The following NRXN3 variants were observed in gnomAD, a reference collection of about 807,000 sequenced individuals.
NRXN3 encodes the protein neurexin III.
A neutral mutation model predicts 137.6 loss-of-function variants in NRXN3; 32 were observed. The observed-to-expected ratio is 0.23, with a 90% CI of 0.18 to 0.31. The LOEUF (loss-of-function observed/expected upper bound fraction) is 0.31. NRXN3 is among the 10% of genes least tolerant of loss of function. The pLI is 1.00. For synonymous variants in NRXN3, 798 were observed against 784.5 expected (o/e 1.02, Z -0.29); for missense variants, 1,574 against 2,062.5 (o/e 0.76, Z 4.59).
chr14:78,442,282 G>GA (rs34451142), intron 4 of NRXN3, among the ~76,000 whole-genome samples: 95,512 of 142,778 alleles, frequency 0.67, 31,954 homozygotes, highest in East Asian at 0.77. Flanking sequence ...AGAAAAAAAG[G>GA]AAAAAAAAAA....
chr14:79,181,618 A>G (rs4522355), intron 15 of NRXN3, among the ~76,000 whole-genome samples: 148,946 of 150,446 alleles, frequency 0.99, 73,748 homozygotes, highest in East Asian at 1. Flanking sequence ...GAGGCGGAGG[A>G]TGCAATCAGC....
chr14:78,818,645 A>G (rs1323795506), intron 10 of NRXN3, among the ~76,000 whole-genome samples: 1 of 152,188 alleles, frequency 6.6e-6, no homozygotes, highest in Non-Finnish European at 1.5e-5. Context: ...ATGAACGTGT[A>G]TCTGTAAATA....
intron 4 of NRXN3, among the ~76,000 whole-genome samples, chr14:78,519,917 C>G (rs977971240): frequency 4.6e-5 from 7 of 152,120 alleles, no homozygotes; most frequent in Non-Finnish European, 8.8e-5. Flanking sequence ...TATTTATACC[C>G]TAATACTAGG....
intron 10 of NRXN3, among the ~76,000 whole-genome samples, chr14:78,892,137 G>C (rs1023846920): frequency 6.6e-6 from 1 of 151,956 alleles, no homozygotes; most frequent in African/African-American, 2.4e-5. Context: ...GTGGCTGGGG[G>C]TCTAGCAATT....
intron 16 of NRXN3, among the ~76,000 whole-genome samples, chr14:79,622,137 G>A (rs221497): frequency 0.14 from 21,790 of 152,054 alleles, 2,105 homozygotes; most frequent in African/African-American, 0.27. Context: ...AAGGATTTTG[G>A]GTTATGGTTT....
intron 4 of NRXN3, among the ~76,000 whole-genome samples, chr14:78,329,434 A>G (rs1430223626): frequency 6.6e-6 from 1 of 152,176 alleles, no homozygotes; most frequent in Non-Finnish European, 1.5e-5. Context: ...CATGTGTAAT[A>G]CTTGATCACA....
At chr14:79,737,864 G>T (rs1027683565) in intron 19 of NRXN3, among the ~76,000 whole-genome samples, 2 of 152,012 alleles carry the variant, frequency 1.3e-5, no homozygotes, top group Admixed American at 6.6e-5. Context: ...AGCCCATTGT[G>T]CAGTGTTCTT....
chr14:78,863,984 A>G (rs2099079945), intron 10 of NRXN3, among the ~76,000 whole-genome samples: 1 of 152,166 alleles, frequency 6.6e-6, no homozygotes. Context: ...AAAAGTATAA[A>G]CAACTCCTGT....
chr14:78,876,008 T>C (rs749178438), intron 10 of NRXN3, among the ~76,000 whole-genome samples: 70 of 152,174 alleles, frequency 4.6e-4, no homozygotes, highest in South Asian at 1.0e-3. Flanking sequence ...AAACTGGGTC[T>C]GGGCCCCATT....
rs569340069 is a variant in NRXN3 at position 79,738,000 on chromosome 14, C to T, written c.4014+40063C>T. 5.3e-5 allele frequency among the ~76,000 whole-genome samples: 8 copies of T among 152,170 alleles called. No homozygotes were observed. The South Asian group carries it at 1.7e-3, about 32-fold the overall frequency. ...TTTAGACCAACATTGATATCAAAGG[C>T]CAGTTTCCCTTTAAATCAAAATCAC... On this transcript the variant is annotated intron_variant, in intron 19 of 20. Transcript: ENST00000335750.
chr14:78,933,054 C>G (rs1207891009), intron 10 of NRXN3, among the ~76,000 whole-genome samples: 1 of 152,086 alleles, frequency 6.6e-6, no homozygotes, highest in African/African-American at 2.4e-5. Context: ...CATCGTCTGT[C>G]CATCCTTCAT....
intron 16 of NRXN3, among the ~76,000 whole-genome samples, chr14:79,556,627 C>T (rs1282746404): frequency 6.6e-6 from 1 of 152,140 alleles, no homozygotes; most frequent in African/African-American, 2.4e-5. Context: ...GCAATCACAA[C>T]CCACTGCAGC....
At chr14:79,065,752 G>A (rs906176573) in intron 15 of NRXN3, among the ~76,000 whole-genome samples, 7 of 151,940 alleles carry the variant, frequency 4.6e-5, no homozygotes, top group African/African-American at 9.7e-5. Context: ...TGATGTTTTC[G>A]TGACATTCTC....
chr14:78,704,414 C>G (rs1208269005), intron 6 of NRXN3, among the ~76,000 whole-genome samples: 1 of 152,080 alleles, frequency 6.6e-6, no homozygotes. Context: ...GGCACTGCAG[C>G]CTAGGAAACC....
chr14:79,368,939 C>G (rs189758909), intron 15 of NRXN3, among the ~76,000 whole-genome samples: 1 of 152,176 alleles, frequency 6.6e-6, no homozygotes, highest in African/African-American at 2.4e-5. Flanking sequence ...CAGCCAAATT[C>G]TCTGGCAGGA....
intron 4 of NRXN3, among the ~76,000 whole-genome samples, chr14:78,391,007 C>T (rs2090685020): frequency 6.6e-6 from 1 of 152,156 alleles, no homozygotes; most frequent in African/African-American, 2.4e-5. Flanking sequence ...TCTTCAGCTC[C>T]CACTTAAAAG....
intron 19 of NRXN3, among the ~76,000 whole-genome samples, chr14:79,737,218 T>C: frequency 6.6e-6 from 1 of 152,172 alleles, no homozygotes; most frequent in East Asian, 1.9e-4. Flanking sequence ...TATTGGCCCA[T>C]GGGTTGTCCA....
chr14:79,063,741 G>A (rs1218317017), intron 15 of NRXN3, among the ~76,000 whole-genome samples: 2 of 152,106 alleles, frequency 1.3e-5, no homozygotes, highest in Non-Finnish European at 1.5e-5. Context: ...GCAAGCCACT[G>A]CTTCAGGGAT....
intron 18 of NRXN3, among the ~76,000 whole-genome samples, chr14:79,696,744 T>C (rs1232782780): frequency 1.3e-5 from 2 of 151,968 alleles, no homozygotes; most frequent in Non-Finnish European, 2.9e-5. Flanking sequence ...GAACTCGAAA[T>C]AAAGTGAACT....
Sources: gnomAD v4.1 joint callset for allele counts (sites outside exome capture counted in the v4.1 genomes callset) on GRCh38, gnomAD v4.1.1 for gene constraint, MANE v1.5 for transcripts, NCBI Gene and HGNC (gene_info 2026-07-23, HGNC 2026-07-21) for gene names.